The following MTUS2 variants were observed in gnomAD, a reference collection of about 807,000 sequenced individuals.
MTUS2 encodes microtubule-associated tumor suppressor candidate 2.
Under a neutral mutation model 114.1 loss-of-function variants are expected in MTUS2, and 40 were observed. The observed-to-expected ratio is 0.35, with a 90% CI of 0.27 to 0.46. The LOEUF is 0.46. Ranked by LOEUF, MTUS2 falls within the 20% of genes least tolerant of loss-of-function variation. The pLI is 1.00. For synonymous variants in MTUS2, 688 were observed against 672.0 expected (o/e 1.02, Z -0.37); for missense variants, 1,679 against 1,705.4 (o/e 0.98, Z 0.27).
chr13:28,921,416 C>G (rs1881034132), intron 2 of MTUS2, among the ~76,000 whole-genome samples: 1 of 152,214 alleles, frequency 6.6e-6, no homozygotes, highest in Non-Finnish European at 1.5e-5. Flanking sequence ...GCAAAGTCCT[C>G]TTTGCTCTTC....
chr13:29,013,382 G>A (rs1885932382), intron 2 of MTUS2, among the ~76,000 whole-genome samples: 1 of 152,128 alleles, frequency 6.6e-6, no homozygotes, highest in Admixed American at 6.5e-5. Flanking sequence ...GAAGCTGCCA[G>A]TGTTTTAAAC....
chr13:28,921,885 C>T (rs1277586550), intron 2 of MTUS2, among the ~76,000 whole-genome samples: 1 of 152,152 alleles, frequency 6.6e-6, no homozygotes, highest in Non-Finnish European at 1.5e-5. Context: ...TTCTCCACAC[C>T]ATGCAGCCAC....
chr13:28,874,099 A>G (rs1472782725), intron 2 of MTUS2, among the ~76,000 whole-genome samples: 1 of 152,004 alleles, frequency 6.6e-6, no homozygotes, highest in African/African-American at 2.4e-5. Context: ...GCTCACTGCA[A>G]CCTCCGCCTC....
At chr13:29,358,688 G>C (rs1335410443) in intron 7 of MTUS2, among the ~76,000 whole-genome samples, 1 of 152,158 alleles carries the variant, frequency 6.6e-6, no homozygotes, top group African/African-American at 2.4e-5. Flanking sequence ...CACATTGGAG[G>C]GATGTGTTGC....
At chr13:29,179,442 A>G (rs764589052) in intron 5 of MTUS2, among the ~76,000 whole-genome samples, 3 of 152,212 alleles carry the variant, frequency 2.0e-5, no homozygotes, top group Non-Finnish European at 2.9e-5. Context: ...TTCGAGGACA[A>G]TGCCATTGGA....
chr13:29,104,784 G>A (rs1285373779), intron 5 of MTUS2, among the ~76,000 whole-genome samples: 1 of 152,154 alleles, frequency 6.6e-6, no homozygotes, highest in African/African-American at 2.4e-5. Context: ...TACATTGAAA[G>A]AGGGAACGTA....
chr13:29,241,516 A>G (rs1478219814), intron 5 of MTUS2, among the ~76,000 whole-genome samples: 1 of 152,114 alleles, frequency 6.6e-6, no homozygotes, highest in Non-Finnish European at 1.5e-5. Flanking sequence ...TCTCCTGGGA[A>G]GCTTTTTCAG....
intron 5 of MTUS2, among the ~76,000 whole-genome samples, chr13:29,136,867 A>G (rs533918797): frequency 1.3e-5 from 2 of 152,240 alleles, no homozygotes; most frequent in Non-Finnish European, 2.9e-5. Flanking sequence ...GTACTTGGCA[A>G]CTGGCATCTG....
At chr13:28,892,445 C>A (rs1036020352) in intron 2 of MTUS2, among the ~76,000 whole-genome samples, 1 of 152,124 alleles carries the variant, frequency 6.6e-6, no homozygotes, top group African/African-American at 2.4e-5. Context: ...CCTTTTAGAA[C>A]AACCCATTCT....
chr13:28,939,521 A>T (rs1157878623), intron 2 of MTUS2, among the ~76,000 whole-genome samples: 1 of 152,104 alleles, frequency 6.6e-6, no homozygotes, highest in Non-Finnish European at 1.5e-5. Flanking sequence ...AAGAAGCATC[A>T]ACAAAACAGT....
In MTUS2 at chr13:28,869,421, A is replaced by G. The variant is rs577578683; in HGVS notation, c.-243+29571A>G. On this transcript the variant is annotated intron_variant, in intron 2 of 15. Transcript: ENST00000612955. Reference sequence around the variant, plus strand: ...ATTTTGGTCCATTTGTAAATCAGTTATTATTATGAAGAAAGACTCTTTTTC... The same window carrying G: ...ATTTTGGTCCATTTGTAAATCAGTTGTTATTATGAAGAAAGACTCTTTTTC... Among the ~76,000 whole-genome samples the G allele has an allele frequency of 2.6e-5, 4 of 152,348 alleles. No homozygotes were observed. In the South Asian group the frequency reaches 8.3e-4, roughly 32 times the overall value.
At chr13:28,944,033 C>T (rs1450141730) in intron 2 of MTUS2, among the ~76,000 whole-genome samples, 4 of 151,856 alleles carry the variant, frequency 2.6e-5, no homozygotes, top group Non-Finnish European at 5.9e-5. Context: ...TTTACGTAGG[C>T]AAGTCTGTGG....
At chr13:29,379,381 G>T (rs75234859) in intron 8 of MTUS2, among the ~76,000 whole-genome samples, 15,104 of 152,168 alleles carry the variant, frequency 0.099, 785 homozygotes, top group Middle Eastern at 0.2. Flanking sequence ...AGGGGCTGGG[G>T]GAGCCATTAG....
At chr13:29,489,612 G>T (rs980433621) in intron 11 of MTUS2, 4 of 152,330 alleles carry the variant, frequency 2.6e-5, no homozygotes, top group East Asian at 3.9e-4. Flanking sequence ...ATATACTGAT[G>T]TGTGGCTCTT....
At chr13:29,100,718 A>G (rs1536719) in intron 4 of MTUS2, 55 bp from the exon 5 acceptor site, 1,078,782 of 1,525,102 alleles carry the variant, frequency 0.71, 387,479 homozygotes, top group Non-Finnish European at 0.74. Context: ...TGTAGAATTC[A>G]TTATCTCATT....
chr13:29,013,661 G>A (rs1270554579), intron 2 of MTUS2, among the ~76,000 whole-genome samples: 1 of 152,200 alleles, frequency 6.6e-6, no homozygotes, highest in Non-Finnish European at 1.5e-5. Context: ...GGTTAAAGGG[G>A]ACATGTAACT....
In MTUS2 at chr13:29,191,875, C is replaced by T. The variant is rs148804154; in HGVS notation, c.2645-89829C>T. 2.1e-3 allele frequency among the ~76,000 whole-genome samples: 317 copies of T among 152,312 alleles called. 1 individual carries two copies. Among genetic ancestry groups the T allele is most frequent in the African/African-American group, 6.7e-3 (278 of 41,562 alleles). On this transcript the variant is annotated intron_variant, in intron 5 of 15. Coordinates refer to ENST00000612955, the MANE Select transcript of MTUS2 (RefSeq NM_001033602.4). Reference sequence around the variant, plus strand: ...AATTTCTATGCCTTCTTCTTTACCACAGTAAAGTCTCCATTTACTGTGTAA... The same window carrying T: ...AATTTCTATGCCTTCTTCTTTACCATAGTAAAGTCTCCATTTACTGTGTAA...
chr13:29,259,789 T>C (rs1167553840), intron 5 of MTUS2, among the ~76,000 whole-genome samples: 2 of 152,230 alleles, frequency 1.3e-5, no homozygotes, highest in African/African-American at 4.8e-5. Context: ...AAGATCATCA[T>C]AAACTTTCAG....
chr13:29,485,712 G>A (rs1267135783), intron 10 of MTUS2, among the ~76,000 whole-genome samples: 1 of 152,230 alleles, frequency 6.6e-6, no homozygotes, highest in Non-Finnish European at 1.5e-5. Flanking sequence ...ATACATTGAT[G>A]CCACAAACAC....
Sources: gnomAD v4.1 joint callset for allele counts (sites outside exome capture counted in the v4.1 genomes callset) on GRCh38, gnomAD v4.1.1 for gene constraint, MANE v1.5 for transcripts, NCBI Gene and HGNC (gene_info 2026-07-23, HGNC 2026-07-21) for gene names.